Variants in PSMB2 observed in about 807,000 individuals in gnomAD.
PSMB2 encodes the protein proteasome subunit beta type-2.
A neutral mutation model predicts 25.7 loss-of-function variants in PSMB2; 13 were observed. The observed-to-expected ratio is 0.51, with a 90% CI of 0.33 to 0.80. The LOEUF (loss-of-function observed/expected upper bound fraction) is 0.80, where lower values mean the gene tolerates loss of function less well. PSMB2 is among the 30% of genes least tolerant of loss of function. The pLI is 0.02. For synonymous variants in PSMB2, 87 were observed against 96.2 expected (o/e 0.90, Z 0.56); for missense variants, 202 against 259.0 (o/e 0.78, Z 1.51).
At chr1:35,614,796 A>C (rs1341377279) in intron 3 of PSMB2, among the ~76,000 whole-genome samples, 1 of 152,252 alleles carries the variant, frequency 6.6e-6, no homozygotes, top group East Asian at 1.9e-4. Context: ...CTGGGAATTC[A>C]GAATGAACTT....
intron 2 of PSMB2, among the ~76,000 whole-genome samples, chr1:35,635,154 G>C (rs1426802715): frequency 6.6e-6 from 1 of 151,980 alleles, no homozygotes; most frequent in Non-Finnish European, 1.5e-5. Context: ...AGCTACTTGG[G>C]AGGCTGAGGC....
intron 2 of PSMB2, among the ~76,000 whole-genome samples, chr1:35,635,259 CAAAAAA>C (rs1285421213): frequency 7.3e-6 from 1 of 136,388 alleles, no homozygotes; most frequent in Admixed American, 7.4e-5. Context: ...AACTCCATCT[CAAAAAA>C]AAAAAAAATT....
chr1:35,640,486 T>A (rs188077899), intron 1 of PSMB2, among the ~76,000 whole-genome samples: 6 of 152,314 alleles, frequency 3.9e-5, no homozygotes, highest in Admixed American at 3.9e-4. Flanking sequence ...AAGGAAAACC[T>A]GGCAGCCATT....
In PSMB2 at chr1:35,640,052, G is replaced by GTATTATACTA. The variant is rs1553126250; in HGVS notation, c.91+1289_91+1290insTAGTATAATA. On this transcript the variant is annotated intron_variant, in intron 1 of 5. Coordinates refer to ENST00000373237, the MANE Select transcript of PSMB2 (RefSeq NM_002794.5). ...GTGAGTCCAGACATTTTGCCCCTAAGTACTATAATATACTATACTATACTA... is the reference window on the plus strand; with the variant it reads ...GTGAGTCCAGACATTTTGCCCCTAAGTATTATACTATACTATAATATACTATACTATACTA... 3.2e-4 allele frequency among the ~76,000 whole-genome samples: 3 copies of GTATTATACTA among 9,438 alleles called. No individual in the cohort carries two copies. In the South Asian group the frequency reaches 0.02, roughly 63 times the overall value. 6.2% of individuals were successfully genotyped at this position (9,438 alleles called of 152,430 possible).
At chr1:35,641,185 CT>C (rs1651385321) in intron 1 of PSMB2, among the ~76,000 whole-genome samples, 156 bp downstream of exon 1, 1 of 151,960 alleles carries the variant, frequency 6.6e-6, no homozygotes, top group Non-Finnish European at 1.5e-5. Flanking sequence ...AGCGAAACCC[CT>C]CTCGAAAAAA....
chr1:35,620,955 T>C (rs1235031956), intron 3 of PSMB2, among the ~76,000 whole-genome samples: 1 of 151,908 alleles, frequency 6.6e-6, no homozygotes, highest in Non-Finnish European at 1.5e-5. Context: ...TGTGAGCCAC[T>C]GTGCCCGGCT....
intron 3 of PSMB2, among the ~76,000 whole-genome samples, chr1:35,629,584 A>T (rs991585471): frequency 1.3e-5 from 2 of 152,198 alleles, no homozygotes; most frequent in Non-Finnish European, 2.9e-5. Flanking sequence ...CAAGGCCAGC[A>T]GATTGCTTGA....
intron 3 of PSMB2, among the ~76,000 whole-genome samples, chr1:35,610,655 C>G (rs1650302344): frequency 6.6e-6 from 1 of 152,054 alleles, no homozygotes; most frequent in African/African-American, 2.4e-5. Context: ...TCCACCACAC[C>G]CGGCTAATTT....
In PSMB2 at chr1:35,599,599, G is replaced by GT. The variant is rs1409284202; in HGVS notation, c.*3667dup. 4.7e-5 allele frequency: 46 copies of GT among 984,818 alleles called. No homozygotes were observed. Among genetic ancestry groups the GT allele is most frequent in the Admixed American group, 6.1e-5 (1 of 16,264 alleles). 61.0% of individuals were successfully genotyped at this position (984,818 alleles called of 1,614,324 possible). On this transcript the variant is annotated 3_prime_UTR_variant, in exon 6 of 6. Transcript: ENST00000373237. The stretch of plus-strand genomic sequence containing the variant: ...GGAGGGAAAGGAAGTGGGGAGTTAG[G>GT]TTCGGAGAGGATTATGGAATGCCTA...
At chr1:35,614,957 A>G (rs559028790) in intron 3 of PSMB2, among the ~76,000 whole-genome samples, 1 of 152,210 alleles carries the variant, frequency 6.6e-6, no homozygotes. Context: ...GGTCATTTTG[A>G]GATTTCTTCA....
chr1:35,630,540 CAT>C (rs1278188562), intron 3 of PSMB2, among the ~76,000 whole-genome samples: 1 of 152,132 alleles, frequency 6.6e-6, no homozygotes, highest in Non-Finnish European at 1.5e-5. Flanking sequence ...CATGAAAAGA[CAT>C]AGGGTAACCT....
chr1:35,611,943 T>A (rs1157675487), intron 3 of PSMB2, among the ~76,000 whole-genome samples: 2 of 152,136 alleles, frequency 1.3e-5, no homozygotes, highest in Non-Finnish European at 2.9e-5. Context: ...AGTGCTGGGA[T>A]GACAGTCTTG....
intron 3 of PSMB2, among the ~76,000 whole-genome samples, chr1:35,615,081 GACTATT>G (rs1172461507): frequency 6.6e-6 from 1 of 152,190 alleles, no homozygotes; most frequent in Admixed American, 6.5e-5. Flanking sequence ...AATGCAGATT[GACTATT>G]ACCACAACAC....
At chr1:35,603,566 A>G (rs1557445369) in intron 5 of PSMB2, among the ~76,000 whole-genome samples, 192 bp from the exon 6 acceptor site, 2 of 152,166 alleles carry the variant, frequency 1.3e-5, no homozygotes, top group Non-Finnish European at 2.9e-5. Flanking sequence ...CAGCTGGAGG[A>G]TGACTGGGAG....
chr1:35,620,346 A>T (rs912354347), intron 3 of PSMB2, among the ~76,000 whole-genome samples: 6 of 152,152 alleles, frequency 3.9e-5, no homozygotes, highest in African/African-American at 1.4e-4. Flanking sequence ...TACGGCTTTA[A>T]CTGACATGCA....
chr1:35,624,761 C>A (rs1157049247), intron 3 of PSMB2, among the ~76,000 whole-genome samples: 3 of 150,784 alleles, frequency 2.0e-5, no homozygotes, highest in African/African-American at 4.9e-5. Flanking sequence ...TCAAAAAAAA[C>A]AAAAACAAAA....
Position 35,602,971 on chromosome 1 carries a change from A to G in PSMB2, c.*296T>C. 1 of 1,080,316 alleles carries G rather than the reference A, an allele frequency of 9.3e-7. No individual in the cohort carries two copies. Among genetic ancestry groups the G allele is most frequent in the South Asian group, 3.5e-5 (1 of 28,520 alleles). 66.9% of individuals were successfully genotyped at this position (1,080,316 alleles called of 1,614,324 possible). A position where few individuals can be genotyped will look rare whatever the true frequency, so the allele number is the denominator to read the frequency against. On this transcript the variant is annotated 3_prime_UTR_variant, in exon 6 of 6. Transcript: ENST00000373237. Reference sequence around the variant, plus strand: ...AAAATATATGAAAGAGCTAGTTGGAAAGGAAGCCAAGCATGGAGTAGAACG... The same window carrying G: ...AAAATATATGAAAGAGCTAGTTGGAGAGGAAGCCAAGCATGGAGTAGAACG...
intron 3 of PSMB2, among the ~76,000 whole-genome samples, chr1:35,628,620 TATATATATA>T (rs1419940984): frequency 1.9e-5 from 1 of 51,910 alleles, no homozygotes; most frequent in African/African-American, 7.8e-5. Context: ...TATATATATA[TATATATATA>T]TATTTTTTTT....
At chr1:35,611,964 C>A (rs1360805632) in intron 3 of PSMB2, among the ~76,000 whole-genome samples, 2 of 152,232 alleles carry the variant, frequency 1.3e-5, no homozygotes, top group African/African-American at 4.8e-5. Context: ...AGCCACCGTG[C>A]CTAGCATGAA....
Sources: allele counts gnomAD v4.1 joint callset (sites outside exome capture counted in the v4.1 genomes callset), GRCh38; gene constraint gnomAD v4.1.1; transcripts MANE v1.5; gene names NCBI Gene and HGNC (gene_info 2026-07-23, HGNC 2026-07-21).